Variants in PDE4D observed in about 807,000 individuals in gnomAD.
PDE4D encodes 3',5'-cyclic-AMP phosphodiesterase 4D.
Under a neutral mutation model 87.4 loss-of-function variants are expected in PDE4D, and 24 were observed. That is an observed-to-expected ratio of 0.27 (90% CI 0.20 to 0.39). PDE4D has a LOEUF of 0.39. Among genes scored for constraint, PDE4D ranks in the 10% least tolerant of loss-of-function variants. The probability of loss-of-function intolerance (pLI) is 1.00; values close to 1 mark genes in which losing one functional copy is unlikely to be tolerated. For synonymous variants in PDE4D, 384 were observed against 383.2 expected (o/e 1.00, Z -0.02); for missense variants, 714 against 1,041.0 (o/e 0.69, Z 4.32).
intron 2 of PDE4D, among the ~76,000 whole-genome samples, chr5:60,155,015 C>G (rs1781841506): frequency 6.6e-6 from 1 of 152,170 alleles, no homozygotes. Context: ...GCATTGGGTA[C>G]TTTCCAGCTT....
intron 1 of PDE4D, among the ~76,000 whole-genome samples, chr5:60,273,451 C>G (rs1449222368): frequency 2.0e-5 from 3 of 152,138 alleles, no homozygotes; most frequent in African/African-American, 4.8e-5. Context: ...TAAGGACTCT[C>G]AATTCTGAGA....
rs185163328 is a variant in PDE4D, at chr5:59,024,738, G to A, written c.921+14121C>T. Among the ~76,000 whole-genome samples the A allele has an allele frequency of 5.8e-3, 887 of 152,174 alleles. 3 individuals carry two copies. The highest frequency in any genetic ancestry group is 9.7e-3 in the Non-Finnish European group (663 of 68,006). Reference sequence around the variant, plus strand: ...ATAAACAGACATATTTCTAGTAGAAGATTCCTTATGATTTATCAAAACCCA... The same window carrying A: ...ATAAACAGACATATTTCTAGTAGAAAATTCCTTATGATTTATCAAAACCCA... On this transcript the variant is annotated intron_variant, in intron 6 of 14. Transcript: ENST00000340635.
At chr5:60,409,370 G>A (rs569218095) in intron 1 of PDE4D, among the ~76,000 whole-genome samples, 15 of 152,142 alleles carry the variant, frequency 9.9e-5, no homozygotes, top group Non-Finnish European at 1.5e-5. Flanking sequence ...AGAGAGATGG[G>A]GAGGGGGCAG....
At chr5:59,526,741 A>G (rs1813209507) in intron 1 of PDE4D, among the ~76,000 whole-genome samples, 1 of 152,020 alleles carries the variant, frequency 6.6e-6, no homozygotes, top group Non-Finnish European at 1.5e-5. Flanking sequence ...CTCCCACCTC[A>G]GCCACCCTAG....
chr5:59,020,117 G>GA (rs1754821739), intron 6 of PDE4D, among the ~76,000 whole-genome samples: 3 of 152,088 alleles, frequency 2.0e-5, no homozygotes, highest in Admixed American at 1.3e-4. Flanking sequence ...CAGATCTAGA[G>GA]AAAAATGGAC....
At chr5:59,042,095 C>G (rs1479817126) in intron 5 of PDE4D, among the ~76,000 whole-genome samples, 1 of 152,198 alleles carries the variant, frequency 6.6e-6, no homozygotes, top group Admixed American at 6.5e-5. Flanking sequence ...AACACATCTA[C>G]ATGCTAGTGA....
At chr5:60,194,461 T>C (rs918974419) in intron 1 of PDE4D, among the ~76,000 whole-genome samples, 1 of 151,692 alleles carries the variant, frequency 6.6e-6, no homozygotes, top group Non-Finnish European at 1.5e-5. Flanking sequence ...ATATTATTTT[T>C]ATCAGCATTT....
intron 1 of PDE4D, among the ~76,000 whole-genome samples, chr5:59,682,103 C>A (rs1382739515): frequency 2.6e-5 from 4 of 151,906 alleles, no homozygotes; most frequent in Non-Finnish European, 2.9e-5. Context: ...TCTGTTACAG[C>A]AGCATTAAAC....
At chr5:59,196,760 G>A (rs934317756) in intron 2 of PDE4D, among the ~76,000 whole-genome samples, 4 of 152,082 alleles carry the variant, frequency 2.6e-5, no homozygotes, top group African/African-American at 7.2e-5. Flanking sequence ...TTCAATAGGT[G>A]TATATACTAC....
intron 1 of PDE4D, among the ~76,000 whole-genome samples, chr5:59,762,099 G>GGT (rs995924362): frequency 1.3e-5 from 2 of 151,472 alleles, no homozygotes; most frequent in African/African-American, 4.9e-5. Flanking sequence ...AAATGATCCA[G>GGT]GTATATATAT....
chr5:59,232,797 C>T (rs1051575448), intron 1 of PDE4D, among the ~76,000 whole-genome samples: 1 of 144,944 alleles, frequency 6.9e-6, no homozygotes, highest in East Asian at 2.1e-4. Context: ...ACAAACAAAC[C>T]GATAGAGAAA....
At chr5:59,664,998 C>T (rs575117825) in intron 1 of PDE4D, among the ~76,000 whole-genome samples, 3 of 152,166 alleles carry the variant, frequency 2.0e-5, no homozygotes, top group Admixed American at 6.5e-5. Context: ...ACCAATATAA[C>T]GTAATGATTC....
intron 1 of PDE4D, among the ~76,000 whole-genome samples, chr5:59,470,868 T>A (rs957084794): frequency 6.6e-6 from 1 of 152,138 alleles, no homozygotes; most frequent in Non-Finnish European, 1.5e-5. Context: ...AAATGAAATA[T>A]AACTTAAAAA....
intron 3 of PDE4D, 144 bp downstream of exon 3, chr5:59,193,356 T>C (rs1581287246): frequency 1.3e-6 from 1 of 792,110 alleles, no homozygotes; most frequent in African/African-American, 1.8e-5. Context: ...CTAGCATTGC[T>C]TTTGAATTGC....
At chr5:59,621,505 T>C (rs1168328573) in intron 1 of PDE4D, among the ~76,000 whole-genome samples, 2 of 152,210 alleles carry the variant, frequency 1.3e-5, no homozygotes, top group South Asian at 2.1e-4. Flanking sequence ...CCCTAAATGA[T>C]GCTTCAGCTT....
chr5:59,180,463 T>C, intron 5 of PDE4D, 132 bp downstream of exon 5: 4 of 770,548 alleles, frequency 5.2e-6, no homozygotes, highest in Non-Finnish European at 9.1e-6. Flanking sequence ...ATAGAAATGA[T>C]AATGTAGAGA....
At chr5:60,027,277 C>T (rs926604706) in intron 2 of PDE4D, among the ~76,000 whole-genome samples, 6 of 152,148 alleles carry the variant, frequency 3.9e-5, no homozygotes, top group African/African-American at 1.4e-4. Flanking sequence ...ATCTTTATAT[C>T]TGTGTATAAC....
At chr5:59,328,067 G>T (rs1416452051) in intron 1 of PDE4D, among the ~76,000 whole-genome samples, 1 of 152,084 alleles carries the variant, frequency 6.6e-6, no homozygotes, top group Admixed American at 6.6e-5. Context: ...CAAAAGTGAA[G>T]ACTAAGAAGA....
At chr5:60,204,064 A>T (rs1742219347) in intron 1 of PDE4D, among the ~76,000 whole-genome samples, 1 of 151,260 alleles carries the variant, frequency 6.6e-6, no homozygotes, top group African/African-American at 2.4e-5. Flanking sequence ...ACTTGCCAGC[A>T]CATTTTTCTG....
Sources: gnomAD v4.1 joint callset for allele counts (sites outside exome capture counted in the v4.1 genomes callset) on GRCh38, gnomAD v4.1.1 for gene constraint, MANE v1.5 for transcripts, NCBI Gene and HGNC (gene_info 2026-07-23, HGNC 2026-07-21) for gene names.